The following EMC7 variants were observed in gnomAD, a reference collection of about 807,000 sequenced individuals.
The protein encoded by EMC7 is endoplasmic reticulum membrane protein complex subunit 7.
A neutral mutation model predicts 24.4 loss-of-function variants in EMC7; 4 were observed. The observed-to-expected ratio is 0.16, with a 90% CI of 0.08 to 0.38. The LOEUF (loss-of-function observed/expected upper bound fraction) is 0.38. Among genes scored for constraint, EMC7 ranks in the 10% least tolerant of loss-of-function variants. EMC7 has a pLI of 1.00. For synonymous variants in EMC7, 106 were observed against 112.0 expected (o/e 0.95, Z 0.34); for missense variants, 221 against 300.6 (o/e 0.74, Z 1.96).
intron 2 of EMC7, among the ~76,000 whole-genome samples, chr15:34,094,431 A>C (rs1026845943): frequency 1.1e-4 from 16 of 152,114 alleles, no homozygotes; most frequent in Non-Finnish European, 1.8e-4. Context: ...GCTACTTAGG[A>C]GGCTGAGGCA....
intron 2 of EMC7, among the ~76,000 whole-genome samples, chr15:34,091,206 C>T (rs1022802542): frequency 6.6e-6 from 1 of 152,042 alleles, no homozygotes; most frequent in African/African-American, 2.4e-5. Context: ...TATCTATAGC[C>T]TATTTTGGTA....
intron 3 of EMC7, among the ~76,000 whole-genome samples, chr15:34,088,460 T>C (rs981861829): frequency 4.0e-5 from 5 of 126,424 alleles, no homozygotes; most frequent in Non-Finnish European, 8.0e-5. Flanking sequence ...AATGGAACTA[T>C]CTATTCCCTT....
chr15:34,097,515 G>A lies in EMC7; in HGVS notation c.237-1501C>T, dbSNP rs947671570. 2.6e-5 allele frequency among the ~76,000 whole-genome samples: 4 copies of A among 151,970 alleles called. No homozygotes were observed. In the South Asian group the frequency reaches 8.3e-4, roughly 32 times the overall value. On this transcript the variant is annotated intron_variant, in intron 1 of 4. Coordinates refer to ENST00000256545, the MANE Select transcript of EMC7 (RefSeq NM_020154.3). ...TAGACTTAGAAAACCATCCTATCAAGAGCTGATAATTTCATTTCACAGATC... is the reference window on the plus strand; with the variant it reads ...TAGACTTAGAAAACCATCCTATCAAAAGCTGATAATTTCATTTCACAGATC...
Position 34,101,678 on chromosome 15 carries a change from T to A in EMC7, c.162A>T (p.Pro54=). 1 of 1,612,046 alleles carries A rather than the reference T, an allele frequency of 6.2e-7. No individual in the cohort carries two copies. Among genetic ancestry groups the A allele is most frequent in the Non-Finnish European group, 8.5e-7 (1 of 1,179,476 alleles). Residue 54 remains proline, a synonymous_variant, in exon 1 of 5, where the codon CCA becomes CCT. Transcript: ENST00000256545. ...AGATCCAGTCCTGAGGCTTCACCCC[T>A]GGAACAACTGCACGCCCCTCAATCT... The part of the protein sequence containing the change: ...RFKIEGRAVV[P]GVKPQDWISA...
chr15:34,097,887 T>C (rs1390265374), intron 1 of EMC7, among the ~76,000 whole-genome samples: 11 of 150,932 alleles, frequency 7.3e-5, no homozygotes, highest in African/African-American at 2.7e-4. Context: ...GAGAATCACT[T>C]GAACCTGGGA....
chr15:34,084,163 T>A lies in EMC7; in HGVS notation c.*171A>T. 1 of 740,460 alleles carries A rather than the reference T, an allele frequency of 1.4e-6. No homozygotes were observed. Among genetic ancestry groups the A allele is most frequent in the Non-Finnish European group, 2.1e-6 (1 of 483,152 alleles). The allele number at this position is 740,460 out of a possible 1,614,324, so 45.9% of individuals were successfully genotyped here. On this transcript the variant is annotated 3_prime_UTR_variant, in exon 5 of 5. Coordinates refer to ENST00000256545, the MANE Select transcript of EMC7 (RefSeq NM_020154.3). Reference sequence around the variant, plus strand: ...TACAGACAAAAGATGAAAGCTGGGTTTTCTCGTGTACCAAGTACAAAACAT... The same window carrying A: ...TACAGACAAAAGATGAAAGCTGGGTATTCTCGTGTACCAAGTACAAAACAT...
chr15:34,093,825 T>TATATATATATATATA (rs34734350), intron 2 of EMC7, among the ~76,000 whole-genome samples: 2 of 20,824 alleles, frequency 9.6e-5, no homozygotes, highest in Admixed American at 7.0e-4. Context: ...ATATATATAT[T>TATATATATATATATA]TTTTTTTTTT....
chr15:34,087,593 G>C (rs1900909524), intron 4 of EMC7, among the ~76,000 whole-genome samples: 1 of 152,174 alleles, frequency 6.6e-6, no homozygotes. Context: ...CAGCATACCA[G>C]AAGTATTGTA....
intron 3 of EMC7, among the ~76,000 whole-genome samples, chr15:34,089,440 T>C (rs1900943398): frequency 6.6e-6 from 1 of 152,200 alleles, no homozygotes; most frequent in Non-Finnish European, 1.5e-5. Context: ...TAGGCACCTA[T>C]AATAATTAAA....
At position 34,099,271 on chromosome 15, in the gene EMC7, T is replaced by G. The variant is rs1157329536; in HGVS notation, c.236+2333A>C. Reference sequence around the variant, plus strand: ...ATGCCATTCTATAAATGTTTGAAAATTTCTATAATAAAAAGTGCAAAAAAG... The same window carrying G: ...ATGCCATTCTATAAATGTTTGAAAAGTTCTATAATAAAAAGTGCAAAAAAG... On this transcript the variant is annotated intron_variant, in intron 1 of 4. Coordinates refer to ENST00000256545, the MANE Select transcript of EMC7 (RefSeq NM_020154.3). 6.6e-5 allele frequency among the ~76,000 whole-genome samples: 10 copies of G among 152,172 alleles called. No homozygotes were observed. The East Asian group carries it at 1.9e-3, about 29-fold the overall frequency.
At chr15:34,093,806 C>CACACACACACACATATAT (rs61440619) in intron 2 of EMC7, among the ~76,000 whole-genome samples, 7 of 30,240 alleles carry the variant, frequency 2.3e-4, no homozygotes, top group African/African-American at 6.1e-4. Flanking sequence ...CACACACACA[C>CACACACACACACATATAT]ATATATATAT....
chr15:34,099,884 G>A (rs1901147800), intron 1 of EMC7, among the ~76,000 whole-genome samples: 1 of 152,242 alleles, frequency 6.6e-6, no homozygotes, highest in East Asian at 1.9e-4. Flanking sequence ...TTACAGGTAT[G>A]AGCCACCGCG....
At chr15:34,085,884 A>G (rs975609802) in intron 4 of EMC7, 9 of 148,068 alleles carry the variant, frequency 6.1e-5, no homozygotes, top group African/African-American at 2.0e-4. Flanking sequence ...ATTTAAACAC[A>G]AATAAAACAT....
chr15:34,098,179 CCT>C (rs1368463186), intron 1 of EMC7, among the ~76,000 whole-genome samples: 4 of 152,126 alleles, frequency 2.6e-5, no homozygotes, highest in Non-Finnish European at 4.4e-5. Context: ...TGACAGGCCA[CCT>C]CTGACTGGCT....
intron 1 of EMC7, among the ~76,000 whole-genome samples, chr15:34,097,022 G>T (rs1597406247): frequency 8.1e-6 from 1 of 123,150 alleles, no homozygotes; most frequent in Non-Finnish European, 1.7e-5. Flanking sequence ...TGCAATTTTT[G>T]GTTTTCTGTT....
chr15:34,096,975 C>CA (rs547840840), intron 1 of EMC7, among the ~76,000 whole-genome samples: 24,860 of 121,616 alleles, frequency 0.2, 2,619 homozygotes, highest in Middle Eastern at 0.29. Context: ...CCATCTCCAA[C>CA]AAAAAAAAAA....
chr15:34,091,024 C>G (rs1166421914), intron 2 of EMC7, among the ~76,000 whole-genome samples: 1 of 152,176 alleles, frequency 6.6e-6, no homozygotes, highest in East Asian at 1.9e-4. Context: ...ATCCATTTTA[C>G]TTTTTGAAAA....
chr15:34,089,937 C>G (rs1329033312), intron 3 of EMC7, among the ~76,000 whole-genome samples: 1 of 152,180 alleles, frequency 6.6e-6, no homozygotes, highest in African/African-American at 2.4e-5. Flanking sequence ...GCCTGGCCAA[C>G]AAGAGCGAAA....
chr15:34,087,971 T>C (rs916300853), intron 4 of EMC7, 82 bp downstream of exon 4: 21 of 1,220,146 alleles, frequency 1.7e-5, no homozygotes, highest in Middle Eastern at 3.8e-4. Context: ...CTCAAACTGA[T>C]TGTGCCACTG....
Sources: allele counts gnomAD v4.1 joint callset (sites outside exome capture counted in the v4.1 genomes callset), GRCh38; gene constraint gnomAD v4.1.1; transcripts MANE v1.5; gene names NCBI Gene and HGNC (gene_info 2026-07-23, HGNC 2026-07-21).